The following GNA12 variants were observed in gnomAD, a reference collection of about 807,000 sequenced individuals.
The protein encoded by GNA12 is G protein subunit alpha 12.
GNA12 carries 9 observed loss-of-function variants against 26.0 expected under a neutral mutation model. That is an observed-to-expected ratio of 0.35 (90% CI 0.21 to 0.60). The LOEUF (loss-of-function observed/expected upper bound fraction) is 0.60, where lower values mean the gene tolerates loss of function less well. GNA12 is among the 20% of genes least tolerant of loss of function. The pLI is 0.78. For missense variants in GNA12, 405 were observed against 525.8 expected (o/e 0.77, Z 2.25); for synonymous variants, 264 against 219.6 (o/e 1.20, Z -1.79).
intron 1 of GNA12, among the ~76,000 whole-genome samples, chr7:2,818,711 C>G (rs190256236): frequency 3.4e-5 from 5 of 148,590 alleles, no homozygotes; most frequent in African/African-American, 1.2e-4. Flanking sequence ...TGCAGTGAGC[C>G]GAGATCGCGC....
chr7:2,756,780 GGTTACTTTAAGTTA>G (rs1791319189), intron 2 of GNA12, among the ~76,000 whole-genome samples: 1 of 152,130 alleles, frequency 6.6e-6, no homozygotes, highest in African/African-American at 2.4e-5. Context: ...TTTGTGATTT[GGTTACTTTAAGTTA>G]GTCAAAGAGG....
intron 2 of GNA12, 172 bp downstream of exon 2, chr7:2,794,756 T>TA: frequency 1.6e-6 from 1 of 612,420 alleles, no homozygotes; most frequent in Non-Finnish European, 2.9e-6. Context: ...TTGAGCCTTT[T>TA]ATATAGCATC....
chr7:2,827,147 T>C (rs748636075), intron 1 of GNA12, among the ~76,000 whole-genome samples: 2 of 152,192 alleles, frequency 1.3e-5, no homozygotes, highest in African/African-American at 2.4e-5. Flanking sequence ...GGTCACATAT[T>C]ATATGATTCC....
intron 2 of GNA12, among the ~76,000 whole-genome samples, chr7:2,775,918 C>T (rs750677958): frequency 2.0e-4 from 31 of 152,356 alleles, no homozygotes; most frequent in Middle Eastern, 3.4e-3. Context: ...GTCCGTACAG[C>T]TAGGCTTAAT....
intron 2 of GNA12, among the ~76,000 whole-genome samples, chr7:2,746,135 C>T (rs1790752002): frequency 1.3e-5 from 2 of 152,062 alleles, no homozygotes; most frequent in Admixed American, 6.6e-5. Flanking sequence ...AACAAGGATA[C>T]CCAGGAATTG....
At chr7:2,759,532 G>A (rs1005028774) in intron 2 of GNA12, among the ~76,000 whole-genome samples, 2 of 152,186 alleles carry the variant, frequency 1.3e-5, no homozygotes, top group African/African-American at 2.4e-5. Context: ...AAAAGGAAAG[G>A]AATAATTAGC....
intron 2 of GNA12, among the ~76,000 whole-genome samples, chr7:2,773,200 G>A (rs563796292): frequency 3.9e-5 from 6 of 152,302 alleles, no homozygotes; most frequent in South Asian, 4.1e-4. Flanking sequence ...AGATACATAC[G>A]TAAATCTCAT....
intron 2 of GNA12, among the ~76,000 whole-genome samples, chr7:2,773,670 T>G (rs980317023): frequency 6.6e-6 from 1 of 152,194 alleles, no homozygotes; most frequent in African/African-American, 2.4e-5. Context: ...TAATGGGAAC[T>G]TGGCCTCTGC....
At chr7:2,838,329 C>T (rs771433456) in intron 1 of GNA12, among the ~76,000 whole-genome samples, 8 of 150,998 alleles carry the variant, frequency 5.3e-5, no homozygotes, top group South Asian at 2.1e-4. Flanking sequence ...CCTATAATCT[C>T]GGCACTTTGG....
chr7:2,796,668 G>A (rs1222107323), intron 1 of GNA12, among the ~76,000 whole-genome samples: 5 of 152,254 alleles, frequency 3.3e-5, no homozygotes, highest in Middle Eastern at 3.4e-3. Flanking sequence ...CGTCACCATC[G>A]TTTGTGATGA....
At chr7:2,802,357 A>T (rs1444207939) in intron 1 of GNA12, among the ~76,000 whole-genome samples, 2 of 121,264 alleles carry the variant, frequency 1.6e-5, no homozygotes, top group Non-Finnish European at 3.2e-5. Flanking sequence ...TAGTCAAAGT[A>T]TAGATTCCCT....
At chr7:2,732,223 A>G (rs1789933015) in intron 3 of GNA12, among the ~76,000 whole-genome samples, 1 of 152,196 alleles carries the variant, frequency 6.6e-6, no homozygotes, top group East Asian at 1.9e-4. Flanking sequence ...CACACAGGCA[A>G]GCATACTCTT....
intron 2 of GNA12, chr7:2,762,490 G>A (rs1325136207): frequency 2.6e-6 from 2 of 773,340 alleles, no homozygotes; most frequent in African/African-American, 3.6e-5. Flanking sequence ...TGCGGGGCCT[G>A]AGGTGTGAGT....
intron 1 of GNA12, among the ~76,000 whole-genome samples, chr7:2,840,453 G>A (rs558961707): frequency 4.6e-5 from 7 of 152,278 alleles, no homozygotes; most frequent in South Asian, 4.1e-4. Context: ...CACACAGTCC[G>A]TGCTCTAGAA....
chr7:2,765,164 T>C (rs1791751255), intron 2 of GNA12: 1 of 152,014 alleles, frequency 6.6e-6, no homozygotes, highest in Admixed American at 6.5e-5. Flanking sequence ...TTTTTTTTTT[T>C]TGAGACGGAG....
chr7:2,735,762 G>A (rs906535364), intron 2 of GNA12, among the ~76,000 whole-genome samples: 4 of 152,208 alleles, frequency 2.6e-5, no homozygotes, highest in Non-Finnish European at 4.4e-5. Flanking sequence ...TGGCGGAGGA[G>A]AGGAGTCAAA....
chr7:2,756,548 G>A (rs940004203), intron 2 of GNA12, among the ~76,000 whole-genome samples: 3 of 152,040 alleles, frequency 2.0e-5, no homozygotes, highest in East Asian at 3.9e-4. Context: ...CCGGGAGGTC[G>A]AGGCTGCAGT....
At chr7:2,835,936 G>A (rs1183085) in intron 1 of GNA12, 134,445 of 520,778 alleles carry the variant, frequency 0.26, 19,282 homozygotes, top group Non-Finnish European at 0.29. Context: ...ATCCAAAGTC[G>A]AAGCAATTCA....
At chr7:2,805,409 CT>C (rs200074043) in intron 1 of GNA12, among the ~76,000 whole-genome samples, 50 of 151,742 alleles carry the variant, frequency 3.3e-4, no homozygotes, top group Non-Finnish European at 6.3e-4. Flanking sequence ...TAGAGATTTT[CT>C]TTTTTTTTGT....
Sources: allele counts gnomAD v4.1 joint callset (sites outside exome capture counted in the v4.1 genomes callset), GRCh38; gene constraint gnomAD v4.1.1; transcripts MANE v1.5; gene names NCBI Gene and HGNC (gene_info 2026-07-23, HGNC 2026-07-21).